The following MTHFD2L variants were observed in gnomAD, a reference collection of about 807,000 sequenced individuals.
MTHFD2L encodes methylenetetrahydrofolate dehydrogenase (NADP+ dependent) 2 like, also known as bifunctional methylenetetrahydrofolate dehydrogenase/cyclohydrolase 2, mitochondrial.
Under a neutral mutation model 34.9 loss-of-function variants are expected in MTHFD2L, and 29 were observed. The ratio of observed to expected loss-of-function variants is 0.83; its 90% CI spans 0.62 to 1.13. The LOEUF is 1.13. Ranked by LOEUF, MTHFD2L falls within the 50% of genes most tolerant of loss-of-function variation. The probability of loss-of-function intolerance (pLI) is 0.00; values close to 1 mark genes in which losing one functional copy is unlikely to be tolerated. For synonymous variants in MTHFD2L, 167 were observed against 155.7 expected (o/e 1.07, Z -0.54); for missense variants, 481 against 446.5 (o/e 1.08, Z -0.70).
At chr4:74,175,227 T>A (rs13116686) in intron 2 of MTHFD2L, 54 bp from the exon 3 acceptor site, 1 of 1,583,788 alleles carries the variant, frequency 6.3e-7, no homozygotes. Flanking sequence ...ACACTATTGA[T>A]GAAAAACCAT....
chr4:74,149,787 G>A (rs183915162), intron 1 of MTHFD2L, among the ~76,000 whole-genome samples: 1 of 152,136 alleles, frequency 6.6e-6, no homozygotes, highest in Non-Finnish European at 1.5e-5. Context: ...TATGTGTTGT[G>A]GTAGGTAGAA....
At chr4:74,190,029 C>T (rs1365024214) in intron 3 of MTHFD2L, among the ~76,000 whole-genome samples, 2 of 152,090 alleles carry the variant, frequency 1.3e-5, no homozygotes, top group Admixed American at 6.5e-5. Flanking sequence ...ACCTTTTAGT[C>T]AGGGTACTGA....
upstream of MTHFD2L, chr4:74,123,127 G>A (rs180968725): frequency 1.3e-5 from 2 of 152,282 alleles, no homozygotes; most frequent in African/African-American, 2.4e-5. Context: ...AGACCTGGGA[G>A]TGTTTGTTTC....
intron 7 of MTHFD2L, chr4:74,293,635 A>G (rs1031832362): frequency 5.3e-5 from 25 of 468,850 alleles, no homozygotes; most frequent in Non-Finnish European, 6.7e-5. Flanking sequence ...ATGGCAAGCT[A>G]CTAACTTGTT....
chr4:74,156,440 AT>A (rs1724262823), upstream of MTHFD2L: 1 of 152,178 alleles, frequency 6.6e-6, no homozygotes, highest in African/African-American at 2.4e-5. Flanking sequence ...GATGAATAAT[AT>A]CCCATTGTAT....
intron 3 of MTHFD2L, among the ~76,000 whole-genome samples, chr4:74,177,017 A>G (rs930267266): frequency 6.6e-6 from 1 of 151,964 alleles, no homozygotes; most frequent in African/African-American, 2.4e-5. Context: ...TTTTCCTCCA[A>G]TATAGCTGCA....
intron 7 of MTHFD2L, among the ~76,000 whole-genome samples, chr4:74,282,709 G>A (rs1747658874): frequency 6.6e-6 from 1 of 152,092 alleles, no homozygotes. Flanking sequence ...GTAAATAAGA[G>A]CAAAGTACAG....
chr4:74,221,505 A>T (rs1045515929), intron 5 of MTHFD2L, among the ~76,000 whole-genome samples: 2 of 151,572 alleles, frequency 1.3e-5, no homozygotes, highest in African/African-American at 2.4e-5. Context: ...TTTACTTTAT[A>T]ATGTGTGCCT....
At chr4:74,246,489 C>A (rs1417713278) in intron 6 of MTHFD2L, among the ~76,000 whole-genome samples, 1 of 152,046 alleles carries the variant, frequency 6.6e-6, no homozygotes, top group Non-Finnish European at 1.5e-5. Flanking sequence ...TTAATTAGAT[C>A]CCATTTGTCA....
chr4:74,222,957 G>A (rs1205747420), intron 5 of MTHFD2L, among the ~76,000 whole-genome samples: 1 of 151,886 alleles, frequency 6.6e-6, no homozygotes, highest in Non-Finnish European at 1.5e-5. Context: ...GGTTGCAGAG[G>A]AAAAAGAATG....
chr4:74,279,695 A>G (rs1263284245), intron 6 of MTHFD2L, among the ~76,000 whole-genome samples: 3 of 152,080 alleles, frequency 2.0e-5, no homozygotes, highest in Admixed American at 6.6e-5. Context: ...TTCTGCAGCT[A>G]TACTCAATGT....
intron 3 of MTHFD2L, among the ~76,000 whole-genome samples, chr4:74,192,750 T>C (rs1200721917): frequency 6.6e-6 from 1 of 152,076 alleles, no homozygotes; most frequent in Non-Finnish European, 1.5e-5. Flanking sequence ...GTTTAAAATG[T>C]TTAAAATGTT....
rs78395722 is a variant in MTHFD2L at position 74,241,843 on chromosome 4, C to A, written c.805+16449C>A. On this transcript the variant is annotated intron_variant, in intron 6 of 7. Transcript: ENST00000325278. Reference sequence around the variant, plus strand: ...TACAGCAACCTGAATGAATTTCCAGCAAATTATGAAGTAAAAAAGGCAATC... The same window carrying A: ...TACAGCAACCTGAATGAATTTCCAGAAAATTATGAAGTAAAAAAGGCAATC... The A allele has an allele frequency of 3.0e-3, 484 of 160,586 alleles. 2 individuals carry two copies. The highest frequency in any genetic ancestry group is 0.011 in the African/African-American group (474 of 41,662). The allele number at this position is 160,586 out of a possible 1,614,324, so 9.9% of individuals were successfully genotyped here.
chr4:74,122,656 A>C (rs1721822156), upstream of MTHFD2L, among the ~76,000 whole-genome samples: 1 of 152,244 alleles, frequency 6.6e-6, no homozygotes, highest in Non-Finnish European at 1.5e-5. Context: ...ATTCAAATTG[A>C]GGAATTGTTC....
chr4:74,274,654 G>A (rs577835541), intron 6 of MTHFD2L, among the ~76,000 whole-genome samples: 19 of 152,254 alleles, frequency 1.2e-4, no homozygotes, highest in African/African-American at 4.6e-4. Flanking sequence ...CTGTAGCATG[G>A]GTGAGAACTG....
chr4:74,160,633 A>G (rs1725231559), intron 1 of MTHFD2L: 1 of 152,234 alleles, frequency 6.6e-6, no homozygotes, highest in Non-Finnish European at 1.5e-5. Context: ...GTTGCAGCTT[A>G]TTGTTTCTTG....
intron 5 of MTHFD2L, among the ~76,000 whole-genome samples, chr4:74,213,119 C>A (rs112365113): frequency 0.052 from 7,880 of 151,998 alleles, 443 homozygotes; most frequent in African/African-American, 0.14. Flanking sequence ...CTCCTGAATA[C>A]AGCACACTGA....
chr4:74,142,318 T>C (rs1220807207), intron 1 of MTHFD2L, among the ~76,000 whole-genome samples: 1 of 152,200 alleles, frequency 6.6e-6, no homozygotes, highest in Non-Finnish European at 1.5e-5. Context: ...ATTGTAACAG[T>C]ATTTTGAAGT....
chr4:74,239,672 C>A (rs1188676138), intron 6 of MTHFD2L, among the ~76,000 whole-genome samples: 1 of 152,072 alleles, frequency 6.6e-6, no homozygotes, highest in Non-Finnish European at 1.5e-5. Context: ...ATTCAAATAA[C>A]TCATAGTTTT....
Sources: gnomAD v4.1 joint callset for allele counts (sites outside exome capture counted in the v4.1 genomes callset) on GRCh38, gnomAD v4.1.1 for gene constraint, MANE v1.5 for transcripts, NCBI Gene and HGNC (gene_info 2026-07-23, HGNC 2026-07-21) for gene names.